The following PTPRD variants were observed in gnomAD, a reference collection of about 807,000 sequenced individuals.
PTPRD encodes the protein receptor-type tyrosine-protein phosphatase delta.
In PTPRD, 34 loss-of-function variants were observed where a neutral mutation model predicts 214.5. The observed-to-expected ratio is 0.16, with a 90% CI of 0.12 to 0.21. The LOEUF (loss-of-function observed/expected upper bound fraction) is 0.21, where lower values mean the gene tolerates loss of function less well. PTPRD is among the 10% of genes least tolerant of loss of function. PTPRD has a pLI of 1.00. For missense variants in PTPRD, 2,545 were observed against 2,398.7 expected (o/e 1.06, Z -1.27); for synonymous variants, 1,128 against 845.7 (o/e 1.33, Z -5.79).
At chr9:9,423,568 G>C (rs1204131864) in intron 8 of PTPRD, among the ~76,000 whole-genome samples, 1 of 152,174 alleles carries the variant, frequency 6.6e-6, no homozygotes, top group East Asian at 1.9e-4. Context: ...AGAGACAACA[G>C]AAACATACTC....
intron 9 of PTPRD, among the ~76,000 whole-genome samples, chr9:9,396,918 T>C (rs10816121): frequency 0.15 from 22,134 of 151,958 alleles, 1,738 homozygotes; most frequent in Non-Finnish European, 0.18. Flanking sequence ...CATAAATGGG[T>C]AGCAACTTCT....
intron 10 of PTPRD, among the ~76,000 whole-genome samples, chr9:9,078,346 A>G (rs1569531636): frequency 6.6e-6 from 1 of 152,128 alleles, no homozygotes. Flanking sequence ...TCATAGTTAA[A>G]TAATTTCAAA....
intron 3 of PTPRD, among the ~76,000 whole-genome samples, chr9:10,263,465 T>C (rs979492259): frequency 6.6e-6 from 1 of 152,058 alleles, no homozygotes; most frequent in Non-Finnish European, 1.5e-5. Context: ...TGGTCTCAGA[T>C]GGAGATGAGG....
chr9:10,436,604 T>C lies in PTPRD; in HGVS notation c.-599-95587A>G, dbSNP rs111510716. Among the ~76,000 whole-genome samples the C allele has an allele frequency of 1.8e-4, 27 of 151,602 alleles. 1 individual carries two copies. The highest frequency in any genetic ancestry group is 2.1e-4 in the South Asian group (1 of 4,826). On this transcript the variant is annotated intron_variant, in intron 2 of 45. Coordinates refer to ENST00000381196, the MANE Select transcript of PTPRD (RefSeq NM_002839.4). ...AATCTTTTCCTTACACACACACATATACACACACACCCCTACACATATGTA... is the reference window on the plus strand; with the variant it reads ...AATCTTTTCCTTACACACACACATACACACACACACCCCTACACATATGTA...
At chr9:10,249,669 T>C (rs1356843082) in intron 3 of PTPRD, among the ~76,000 whole-genome samples, 1 of 152,202 alleles carries the variant, frequency 6.6e-6, no homozygotes, top group Non-Finnish European at 1.5e-5. Context: ...GTTTGTCTTA[T>C]GAGAAGCACT....
At chr9:10,270,195 A>G (rs1410295356) in intron 3 of PTPRD, among the ~76,000 whole-genome samples, 2 of 152,102 alleles carry the variant, frequency 1.3e-5, no homozygotes, top group East Asian at 3.9e-4. Context: ...AAAATCTTTA[A>G]TTCATCTTCC....
chr9:9,610,542 T>TGA (rs1239327469), intron 7 of PTPRD, among the ~76,000 whole-genome samples: 2 of 152,140 alleles, frequency 1.3e-5, no homozygotes, highest in Admixed American at 6.5e-5. Context: ...GACAAATTAG[T>TGA]GAGACCAGTA....
At chr9:9,765,761 C>A (rs1057025105) in intron 6 of PTPRD, among the ~76,000 whole-genome samples, 1 of 152,084 alleles carries the variant, frequency 6.6e-6, no homozygotes, top group African/African-American at 2.4e-5. Flanking sequence ...CCTGGGTTCA[C>A]GCCATTCTCC....
intron 11 of PTPRD, among the ~76,000 whole-genome samples, chr9:8,790,142 G>C (rs751526963): frequency 2.0e-5 from 3 of 151,876 alleles, no homozygotes; most frequent in Non-Finnish European, 1.5e-5. Context: ...TTGGCCTCCT[G>C]AATAGCTGGG....
At chr9:10,451,863 A>T (rs930324981) in intron 2 of PTPRD, among the ~76,000 whole-genome samples, 6 of 152,008 alleles carry the variant, frequency 3.9e-5, no homozygotes, top group Non-Finnish European at 7.4e-5. Flanking sequence ...CCCTACTCGT[A>T]TGTTACATAC....
At chr9:9,254,531 C>CGG (rs1422576933) in intron 9 of PTPRD, among the ~76,000 whole-genome samples, 3 of 152,020 alleles carry the variant, frequency 2.0e-5, no homozygotes, top group Middle Eastern at 3.4e-3. Context: ...ATGGTTATAA[C>CGG]AAAAGATTCT....
chr9:9,855,236 G>C (rs1599854221), intron 5 of PTPRD, among the ~76,000 whole-genome samples: 1 of 152,088 alleles, frequency 6.6e-6, no homozygotes. Context: ...AACATTACAG[G>C]AAGGAAATTT....
At chr9:8,657,164 CTT>C (rs749246223) in intron 12 of PTPRD, among the ~76,000 whole-genome samples, 25 of 123,090 alleles carry the variant, frequency 2.0e-4, no homozygotes, top group African/African-American at 4.2e-4. Flanking sequence ...CTTTTGCCCA[CTT>C]TTTTTTTTTT....
chr9:10,260,231 C>A (rs926969128), intron 3 of PTPRD, among the ~76,000 whole-genome samples: 2 of 152,268 alleles, frequency 1.3e-5, no homozygotes, highest in Admixed American at 6.5e-5. Flanking sequence ...GAAGTCATGT[C>A]CAGAATGTGG....
chr9:9,792,822 C>G (rs896813067), intron 5 of PTPRD, among the ~76,000 whole-genome samples: 1 of 152,014 alleles, frequency 6.6e-6, no homozygotes, highest in African/African-American at 2.4e-5. Flanking sequence ...TAATTTCAAT[C>G]CTGTTATTTG....
At chr9:9,602,140 C>G (rs755652505) in intron 7 of PTPRD, among the ~76,000 whole-genome samples, 2 of 152,042 alleles carry the variant, frequency 1.3e-5, no homozygotes, top group Non-Finnish European at 2.9e-5. Context: ...ACATTGTTCA[C>G]TTCATTCCTA....
intron 3 of PTPRD, among the ~76,000 whole-genome samples, chr9:10,091,617 T>C (rs755214592): frequency 2.0e-5 from 3 of 151,566 alleles, no homozygotes; most frequent in Admixed American, 1.3e-4. Flanking sequence ...GTCAACTGCA[T>C]GTCAATTAAA....
chr9:9,442,444 C>A (rs1159933857), intron 8 of PTPRD: 1 of 152,162 alleles, frequency 6.6e-6, no homozygotes, highest in Non-Finnish European at 1.5e-5. Flanking sequence ...CTGAGATATT[C>A]TATTTTGCAC....
intron 11 of PTPRD, among the ~76,000 whole-genome samples, chr9:8,978,207 G>A (rs115019555): frequency 3.3e-3 from 506 of 152,180 alleles, no homozygotes; most frequent in African/African-American, 0.011. Context: ...GGAATAAGAA[G>A]CCTAAGCTGG....
Sources: allele counts gnomAD v4.1 joint callset (sites outside exome capture counted in the v4.1 genomes callset), GRCh38; gene constraint gnomAD v4.1.1; transcripts MANE v1.5; gene names NCBI Gene and HGNC (gene_info 2026-07-23, HGNC 2026-07-21).